Variants in DGKE observed in about 807,000 individuals in gnomAD.
The protein encoded by DGKE is diacylglycerol kinase epsilon.
Under a neutral mutation model 70.0 loss-of-function variants are expected in DGKE, and 53 were observed. The ratio of observed to expected loss-of-function variants is 0.76; its 90% CI spans 0.61 to 0.95. DGKE has a LOEUF of 0.95. Among genes scored for constraint, DGKE ranks in the 40% least tolerant of loss-of-function variants. The pLI, the probability that DGKE is intolerant of heterozygous loss-of-function variation, is 0.00. For synonymous variants in DGKE, 291 were observed against 257.0 expected (o/e 1.13, Z -1.27); for missense variants, 655 against 706.9 (o/e 0.93, Z 0.83).
Position 56,845,768 on chromosome 17 carries a change from G to C in DGKE, c.703G>C (p.Gly235Arg). ...NSRSGTNMGE[G>R]LLGEFRILLN... ...TCGTAGTGGAACTAATATGGGAGAA[G>C]GACTGTTGGGAGAATTTAGGATCTT... Residue 235 changes from glycine to arginine, a missense_variant, in exon 4 of 12, where the codon GGA (glycine) becomes CGA (arginine). Coordinates refer to ENST00000284061, the MANE Select transcript of DGKE (RefSeq NM_003647.3). 6.2e-7 allele frequency: 1 copy of C among 1,611,408 alleles called. No individual in the cohort carries two copies. The highest frequency in any genetic ancestry group is 8.5e-7 in the Non-Finnish European group (1 of 1,178,620).
rs904906788 is a variant in DGKE at position 56,850,119 on chromosome 17, CT to C, written c.1098+900del. On this transcript the variant is annotated intron_variant, in intron 7 of 11. Transcript: ENST00000284061. ...AAGAGGGCCAAGAACTACATCTTTT[CT>C]TTTTTTTTTTTTCTTTTGTTGTGGA... is the stretch of plus-strand genomic sequence containing the variant. 2.4e-3 allele frequency among the ~76,000 whole-genome samples: 343 copies of C among 143,428 alleles called. 1 individual carries two copies. Among genetic ancestry groups the C allele is most frequent in the Middle Eastern group, 0.015 (4 of 270 alleles). 94.1% of individuals were successfully genotyped at this position (143,428 alleles called of 152,430 possible).
chr17:56,834,568 G>A lies in DGKE; in HGVS notation c.-18-210G>A, dbSNP rs2235092. Among the ~76,000 whole-genome samples the A allele has an allele frequency of 0.64, 97,701 of 151,874 alleles. 31,852 individuals carry two copies. The highest frequency in any genetic ancestry group is 0.89 in the East Asian group (4,570 of 5,112). ...CTGGACGCGCTCCCGAGGTGGGGCG[G>A]GTTGGGGAGTGGGGATTGGAGCGTG... On this transcript the variant is annotated intron_variant, in intron 1 of 11. Transcript: ENST00000284061.
At position 56,862,273 on chromosome 17, in the gene DGKE, C is replaced by T. The variant is rs766274946; in HGVS notation, c.1524+22C>T. On this transcript the variant is annotated intron_variant, in intron 11 of 11. Coordinates refer to ENST00000284061, the MANE Select transcript of DGKE (RefSeq NM_003647.3). ...GAGGGTAGGTGAAATATAGCTGTAA[C>T]AGGCTAATTTGTCCCAATCCAATTC... 8 of 1,589,844 alleles carry T rather than the reference C, an allele frequency of 5.0e-6. No homozygotes were observed. In the African/African-American group the frequency reaches 8.1e-5, roughly 16 times the overall value.
intron 4 of DGKE, chr17:56,846,042 A>C (rs1277169515): frequency 2.0e-5 from 6 of 295,864 alleles, no homozygotes; most frequent in African/African-American, 4.4e-5. Flanking sequence ...AATTTATTAT[A>C]TCTTCTAGCA....
chr17:56,835,296 G>C, intron 2 of DGKE, 37 bp downstream of exon 2: 1 of 1,563,906 alleles, frequency 6.4e-7, no homozygotes, highest in Non-Finnish European at 8.6e-7. Flanking sequence ...CCCAGAATGC[G>C]CCGTGGGAAT....
At chr17:56,847,051 A>C (rs1404890729) in intron 4 of DGKE, among the ~76,000 whole-genome samples, 1 of 152,202 alleles carries the variant, frequency 6.6e-6, no homozygotes, top group East Asian at 1.9e-4. Flanking sequence ...TGATTGTACT[A>C]TAAATAATGC....
intron 9 of DGKE, among the ~76,000 whole-genome samples, chr17:56,859,186 G>T (rs1292713694): frequency 6.6e-6 from 1 of 150,738 alleles, no homozygotes. Flanking sequence ...TTAGCCAGGC[G>T]TGGTGGCGGG....
At chr17:56,858,550 G>C (rs1193319097) in intron 8 of DGKE, 44 bp from the exon 9 acceptor site, 1 of 1,485,778 alleles carries the variant, frequency 6.7e-7, no homozygotes, top group Non-Finnish European at 9.2e-7. Flanking sequence ...TTGTTTACAG[G>C]GTTAGATTGT....
chr17:56,863,541 G>A lies in DGKE; in HGVS notation c.*750G>A, dbSNP rs1004279135. On this transcript the variant is annotated 3_prime_UTR_variant, in exon 12 of 12. Coordinates refer to ENST00000284061, the MANE Select transcript of DGKE (RefSeq NM_003647.3). ...GAGCACTTGGGATTGTAAGTTATAG[G>A]TTCTGAGCTGAACTGTTTATCAGCC... The A allele has an allele frequency of 6.6e-6, 1 of 152,202 alleles. No homozygotes were observed. Among genetic ancestry groups the A allele is most frequent in the African/African-American group, 2.4e-5 (1 of 41,456 alleles). 9.4% of individuals were successfully genotyped at this position (152,202 alleles called of 1,614,324 possible).
rs946927519 is a variant in DGKE at position 56,866,535 on chromosome 17, A to G, written c.*3744A>G. On this transcript the variant is annotated 3_prime_UTR_variant, in exon 12 of 12. Transcript: ENST00000284061. ...CTTCCCTCAAAATCACTTTTCTAAA[A>G]GAACTCTATGAAAAACTTATTTGTA... The G allele has an allele frequency of 3.3e-5, 5 of 152,276 alleles. No homozygotes were observed. The highest frequency in any genetic ancestry group is 7.3e-5 in the Non-Finnish European group (5 of 68,048). 9.4% of individuals were successfully genotyped at this position (152,276 alleles called of 1,614,324 possible). A position where few individuals can be genotyped will look rare whatever the true frequency, so the allele number is the denominator to read the frequency against.
At chr17:56,862,577 C>T in intron 11 of DGKE, 35 bp from the exon 12 acceptor site, 1 of 1,458,418 alleles carries the variant, frequency 6.9e-7, no homozygotes, top group African/African-American at 1.4e-5. Flanking sequence ...TTTGGGGGGA[C>T]TGACTTTTAA....
At chr17:56,849,274 T>G in intron 7 of DGKE, 42 bp downstream of exon 7, 1 of 1,563,166 alleles carries the variant, frequency 6.4e-7, no homozygotes, top group Non-Finnish European at 8.8e-7. Context: ...TTCAGCTTCA[T>G]TGCACAAGAT....
intron 7 of DGKE, among the ~76,000 whole-genome samples, chr17:56,852,307 G>C (rs550533729): frequency 2.0e-5 from 3 of 152,000 alleles, no homozygotes; most frequent in African/African-American, 7.2e-5. Flanking sequence ...CAGCTACTCG[G>C]GAGGCTGAGG....
At chr17:56,861,606 A>G (rs1217857770) in intron 9 of DGKE, among the ~76,000 whole-genome samples, 185 bp from the exon 10 acceptor site, 1 of 152,246 alleles carries the variant, frequency 6.6e-6, no homozygotes, top group East Asian at 1.9e-4. Flanking sequence ...TGATGTTGAT[A>G]GAAGCAGTTC....
chr17:56,855,993 G>A (rs2144271968), intron 7 of DGKE, among the ~76,000 whole-genome samples: 1 of 131,884 alleles, frequency 7.6e-6, no homozygotes, highest in Middle Eastern at 4.6e-3. Flanking sequence ...GCGACAGTCC[G>A]AGACTCCATC....
Position 56,863,008 on chromosome 17 carries a change from G to A in DGKE, c.*217G>A, listed in dbSNP as rs1298621102. On this transcript the variant is annotated 3_prime_UTR_variant, in exon 12 of 12. Coordinates refer to ENST00000284061, the MANE Select transcript of DGKE (RefSeq NM_003647.3). ...TTCAGCAAAATACTTCAAATGAATA[G>A]TATTAACTTACAAAAAGTCACAAAA... 7.6e-6 allele frequency: 3 copies of A among 396,450 alleles called. No individual in the cohort carries two copies. Among genetic ancestry groups the A allele is most frequent in the Non-Finnish European group, 1.3e-5 (3 of 228,874 alleles). 24.6% of individuals were successfully genotyped at this position (396,450 alleles called of 1,614,324 possible). A position where few individuals can be genotyped will look rare whatever the true frequency, so the allele number is the denominator to read the frequency against.
At chr17:56,849,334 C>A in intron 7 of DGKE, 102 bp downstream of exon 7, 2 of 1,065,162 alleles carry the variant, frequency 1.9e-6, no homozygotes, top group Non-Finnish European at 2.8e-6. Flanking sequence ...CTCAAGGGAG[C>A]TGGCTGTGGA....
Position 56,862,841 on chromosome 17 carries a change from C to G in DGKE, c.*50C>G. The G allele has an allele frequency of 2.2e-6, 3 of 1,377,552 alleles. No homozygotes were observed. The highest frequency in any genetic ancestry group is 2.8e-6 in the Non-Finnish European group (3 of 1,057,992). 85.3% of individuals were successfully genotyped at this position (1,377,552 alleles called of 1,614,324 possible). A position where few individuals can be genotyped will look rare whatever the true frequency, so the allele number is the denominator to read the frequency against. ...CATAGAATCCTCACGCAAGTAGATA[C>G]ATGTTCATCCAAAAGTATTAATAGA... On this transcript the variant is annotated 3_prime_UTR_variant, in exon 12 of 12. Transcript: ENST00000284061.
At chr17:56,836,372 G>T (rs1417847617) in intron 2 of DGKE, 5 of 152,152 alleles carry the variant, frequency 3.3e-5, no homozygotes, top group Non-Finnish European at 7.4e-5. Context: ...TTGTAACCAT[G>T]CATTTTTATT....
Sources: allele counts gnomAD v4.1 joint callset (sites outside exome capture counted in the v4.1 genomes callset), GRCh38; gene constraint gnomAD v4.1.1; transcripts MANE v1.5; gene names NCBI Gene and HGNC (gene_info 2026-07-23, HGNC 2026-07-21).